The following FAT3 variants were observed in gnomAD, a reference collection of about 807,000 sequenced individuals.
FAT3 encodes FAT atypical cadherin 3, also known as protocadherin Fat 3.
Under a neutral mutation model 310.2 loss-of-function variants are expected in FAT3, and 95 were observed. The observed-to-expected ratio is 0.31, with a 90% CI of 0.26 to 0.36. The LOEUF is 0.36. Ranked by LOEUF, FAT3 falls within the 10% of genes least tolerant of loss-of-function variation. The pLI, the probability that FAT3 is intolerant of heterozygous loss-of-function variation, is 1.00. For missense variants in FAT3, 5,408 were observed against 5,715.6 expected (o/e 0.95, Z 1.74); for synonymous variants, 2,314 against 2,192.9 (o/e 1.06, Z -1.54).
chr11:92,514,666 T>C lies in FAT3; in HGVS notation c.3293-9968T>C, dbSNP rs934220711. Among the ~76,000 whole-genome samples, 7 of 152,134 alleles carry C rather than the reference T, an allele frequency of 4.6e-5. No individual in the cohort carries two copies. The East Asian group carries it at 1.4e-3, about 29-fold the overall frequency. On this transcript the variant is annotated intron_variant, in intron 2 of 27. Coordinates refer to ENST00000525166, the MANE Select transcript of FAT3 (RefSeq NM_001367949.2). Reference sequence around the variant, plus strand: ...ATGAATGGACAGAGGTCCTATCCTATTGAATCAGAGACAGAGATCAGAGTG... The same window carrying C: ...ATGAATGGACAGAGGTCCTATCCTACTGAATCAGAGACAGAGATCAGAGTG...
Position 92,801,801 on chromosome 11 carries a change from C to G in FAT3, c.8788C>G (p.Arg2930Gly), listed in dbSNP as rs1947364033. 6.2e-7 allele frequency: 1 copy of G among 1,613,656 alleles called. No individual in the cohort carries two copies. The highest frequency in any genetic ancestry group is 1.1e-5 in the South Asian group (1 of 91,062). The part of the protein sequence containing the change: ...NAPVFAQEVY[R>G]GNVKESDPPG... ...ACCAGTCTTCGCGCAGGAAGTGTACCGAGGGAATGTGAAGGAGAGCGACCC... is the reference window on the plus strand; with the variant it reads ...ACCAGTCTTCGCGCAGGAAGTGTACGGAGGGAATGTGAAGGAGAGCGACCC... Residue 2930 changes from arginine to glycine, a missense_variant, in exon 10 of 28, where the codon CGA becomes GGA. Arg to Gly is a moderately radical substitution (Grantham distance 125). Around this residue, in one of 5 missense-constraint regions of FAT3, gnomAD observed 4,588 missense variants for 4,809.8 expected, o/e 0.95. Coordinates refer to ENST00000525166, the MANE Select transcript of FAT3 (RefSeq NM_001367949.2).
intron 2 of FAT3, among the ~76,000 whole-genome samples, chr11:92,521,512 T>A (rs1033927802): frequency 8.6e-6 from 1 of 116,404 alleles, no homozygotes; most frequent in African/African-American, 3.8e-5. Flanking sequence ...GTACTCAGCA[T>A]GTGCTATGCC....
At chr11:92,659,207 C>G (rs899840050) in intron 3 of FAT3, among the ~76,000 whole-genome samples, 2 of 152,178 alleles carry the variant, frequency 1.3e-5, no homozygotes, top group African/African-American at 4.8e-5. Flanking sequence ...TTCACAGAGG[C>G]TAACCAGCTT....
chr11:92,715,046 A>G (rs1341568944), intron 4 of FAT3, among the ~76,000 whole-genome samples: 4 of 151,974 alleles, frequency 2.6e-5, no homozygotes, highest in Non-Finnish European at 5.9e-5. Flanking sequence ...TATGAGGACA[A>G]CTAGCCTCCT....
intron 3 of FAT3, among the ~76,000 whole-genome samples, chr11:92,681,411 G>C (rs2135858089): frequency 6.6e-6 from 1 of 152,264 alleles, no homozygotes; most frequent in South Asian, 2.1e-4. Context: ...ACAGGAGAAG[G>C]GTGTTGCCAA....
intron 3 of FAT3, among the ~76,000 whole-genome samples, chr11:92,629,666 C>T (rs1458845496): frequency 6.6e-6 from 1 of 152,122 alleles, no homozygotes; most frequent in Non-Finnish European, 1.5e-5. Context: ...CTGCCTCAGC[C>T]TCCCAAAGTT....
intron 3 of FAT3, among the ~76,000 whole-genome samples, chr11:92,595,957 A>G (rs1487028817): frequency 6.6e-6 from 1 of 152,154 alleles, no homozygotes; most frequent in Non-Finnish European, 1.5e-5. Flanking sequence ...CTGGAACAAG[A>G]GAGTACATTG....
intron 24 of FAT3, among the ~76,000 whole-genome samples, chr11:92,885,791 CT>C (rs1949782058): frequency 6.6e-6 from 1 of 152,182 alleles, no homozygotes; most frequent in South Asian, 2.1e-4. Flanking sequence ...CAGGGCTAAG[CT>C]TGTGCACACC....
intron 2 of FAT3, among the ~76,000 whole-genome samples, chr11:92,433,683 T>C (rs558522747): frequency 6.6e-6 from 1 of 152,172 alleles, no homozygotes; most frequent in South Asian, 2.1e-4. Context: ...TATTCGGCCA[T>C]CTTGCCCAGG....
intron 2 of FAT3, among the ~76,000 whole-genome samples, chr11:92,460,598 C>A (rs116704631): frequency 8.7e-4 from 132 of 152,320 alleles, no homozygotes; most frequent in African/African-American, 3.1e-3. Context: ...AGAAGTGTAT[C>A]TGTGCATGCT....
Position 92,839,008 on chromosome 11 carries a change from C to G in FAT3, c.10368+1202C>G, listed in dbSNP as rs140748728. 3.6e-4 allele frequency among the ~76,000 whole-genome samples: 55 copies of G among 152,274 alleles called. No individual in the cohort carries two copies. In the East Asian group the frequency reaches 0.01, roughly 28 times the overall value. ...CTTCGCCCAGAGTCCACACCTTCCT[C>G]CATTTCTCTTTCTCTCAGCTCACTC... is the stretch of plus-strand genomic sequence containing the variant. On this transcript the variant is annotated intron_variant, in intron 17 of 27. Coordinates refer to ENST00000525166, the MANE Select transcript of FAT3 (RefSeq NM_001367949.2).
Position 92,798,184 on chromosome 11 carries a change from C to G in FAT3, c.5171C>G (p.Thr1724Ser). The change falls in exon 10 of 28, where the codon ACC (threonine) becomes AGC (serine). Residue 1724 changes from threonine to serine, a missense_variant. By Grantham distance (58) the Thr-to-Ser change is moderately conservative (BLOSUM62 1). This residue lies in a region of FAT3 where 4,588 missense variants were observed against 4,809.8 expected (regional missense o/e 0.95). Transcript: ENST00000525166. ...FTINPYSGVI[T>S]TQKALDYERT... is the part of the protein sequence containing the mutation. ...ATAAATCCATATTCTGGAGTCATCA[C>G]CACTCAGAAGGCCCTGGATTATGAG... is the stretch of plus-strand genomic sequence containing the variant. 6.2e-7 allele frequency: 1 copy of G among 1,613,950 alleles called. No homozygotes were observed. Among genetic ancestry groups the G allele is most frequent in the Non-Finnish European group, 8.5e-7 (1 of 1,179,852 alleles).
intron 3 of FAT3, among the ~76,000 whole-genome samples, chr11:92,668,077 C>G (rs1943013015): frequency 6.6e-6 from 1 of 152,148 alleles, no homozygotes; most frequent in East Asian, 1.9e-4. Context: ...CATATTTTAC[C>G]TTTATTTTTG....
At chr11:92,712,952 T>C (rs1276057635) in intron 4 of FAT3, among the ~76,000 whole-genome samples, 1 of 152,222 alleles carries the variant, frequency 6.6e-6, no homozygotes, top group African/African-American at 2.4e-5. Flanking sequence ...TCTGGAGATG[T>C]GTACATTTCC....
chr11:92,354,024 T>C lies in FAT3; in HGVS notation c.1912T>C (p.Ser638Pro). The stretch of plus-strand genomic sequence containing the variant: ...TTCTGGTGTTTTACAGCTTAAAAAA[T>C]CACTGACAAATTCTGGCATTAAAAA... Reference protein sequence around the residue: ...PDSGVLQLKKSLTNSGIKNGN... With the variant: ...PDSGVLQLKKPLTNSGIKNGN... Residue 638 changes from serine to proline, a missense_variant, in exon 2 of 28, where the codon TCA (serine) becomes CCA (proline). Coordinates refer to ENST00000525166, the MANE Select transcript of FAT3 (RefSeq NM_001367949.2). 6.2e-7 allele frequency: 1 copy of C among 1,613,266 alleles called. No homozygotes were observed. The highest frequency in any genetic ancestry group is 8.5e-7 in the Non-Finnish European group (1 of 1,179,618).
Position 92,354,172 on chromosome 11 carries a change from G to A in FAT3, c.2060G>A (p.Arg687His), listed in dbSNP as rs767293755. The A allele has an allele frequency of 3.4e-5, 55 of 1,613,736 alleles. No individual in the cohort carries two copies. Among genetic ancestry groups the A allele is most frequent in the African/African-American group, 1.2e-4 (9 of 74,902 alleles). Residue 687 changes from arginine (R) to histidine (H), a missense_variant, in exon 2 of 28, where the codon CGT becomes CAT. This residue lies in a region of FAT3 where 4,588 missense variants were observed against 4,809.8 expected (regional missense o/e 0.95). Transcript: ENST00000525166. ...SSKSFSCRET[R>H]VAQKLAEKLL... is the part of the protein sequence containing the mutation. ...AAGAGCTTCAGTTGCAGAGAAACTC[G>A]TGTGGCTCAAAAGCTGGCAGAGAAA...
chr11:92,539,882 C>G (rs1371258851), intron 3 of FAT3, among the ~76,000 whole-genome samples: 1 of 152,148 alleles, frequency 6.6e-6, no homozygotes, highest in Non-Finnish European at 1.5e-5. Flanking sequence ...GCAGGGCTGG[C>G]TTCATGGGCC....
At chr11:92,320,414 T>C (rs2134490943) in intron 1 of FAT3, among the ~76,000 whole-genome samples, 1 of 144,792 alleles carries the variant, frequency 6.9e-6, no homozygotes, top group Admixed American at 6.7e-5. Flanking sequence ...GGCCCATGCA[T>C]TCTTTTACCA....
intron 5 of FAT3, 39 bp downstream of exon 5, chr11:92,762,209 G>T: frequency 6.4e-7 from 1 of 1,554,534 alleles, no homozygotes; most frequent in Middle Eastern, 1.7e-4. Flanking sequence ...GCAGATGGGG[G>T]GAAGTGGTTA....
Sources: allele counts gnomAD v4.1 joint callset (sites outside exome capture counted in the v4.1 genomes callset), GRCh38; gene constraint gnomAD v4.1.1; regional missense constraint gnomAD v4.1.1; transcripts MANE v1.5; gene names NCBI Gene and HGNC (gene_info 2026-07-23, HGNC 2026-07-21).